Variants in TENM2 observed in about 807,000 individuals in gnomAD.
The protein encoded by TENM2 is teneurin-2.
TENM2 carries 52 observed loss-of-function variants against 245.2 expected under a neutral mutation model. That is an observed-to-expected ratio of 0.21 (90% CI 0.17 to 0.27). The LOEUF (loss-of-function observed/expected upper bound fraction) is 0.27, where lower values mean the gene tolerates loss of function less well. Ranked by LOEUF, TENM2 falls within the 10% of genes least tolerant of loss-of-function variation. TENM2 has a pLI of 1.00. For missense variants in TENM2, 3,046 were observed against 3,666.8 expected (o/e 0.83, Z 4.37); for synonymous variants, 1,363 against 1,438.9 (o/e 0.95, Z 1.19).
At chr5:168,067,540 A>G (rs929173413) in intron 7 of TENM2, among the ~76,000 whole-genome samples, 2 of 152,176 alleles carry the variant, frequency 1.3e-5, no homozygotes, top group African/African-American at 4.8e-5. Context: ...GATTAGTGGT[A>G]TTAGTCTTTG....
chr5:167,363,573 T>C (rs1180179842), intron 1 of TENM2, among the ~76,000 whole-genome samples: 1 of 150,744 alleles, frequency 6.6e-6, no homozygotes, highest in Non-Finnish European at 1.5e-5. Flanking sequence ...CTACTAAAAA[T>C]ACAAAAAATT....
intron 9 of TENM2, among the ~76,000 whole-genome samples, chr5:168,117,368 T>C (rs990418857): frequency 6.6e-6 from 1 of 152,224 alleles, no homozygotes; most frequent in Non-Finnish European, 1.5e-5. Flanking sequence ...AGTCCCTCCT[T>C]ATCCTCAGGG....
At chr5:167,555,405 T>C (rs1474428383) in intron 2 of TENM2, among the ~76,000 whole-genome samples, 1 of 152,234 alleles carries the variant, frequency 6.6e-6, no homozygotes, top group Non-Finnish European at 1.5e-5. Flanking sequence ...AAAATTCATA[T>C]TCAATATTAT....
chr5:167,847,350 T>A (rs1770144261), intron 2 of TENM2, among the ~76,000 whole-genome samples: 1 of 152,236 alleles, frequency 6.6e-6, no homozygotes, highest in South Asian at 2.1e-4. Flanking sequence ...TGAACTCACT[T>A]CCACACAAGA....
chr5:168,195,766 T>C (rs575895954), intron 15 of TENM2, among the ~76,000 whole-genome samples: 9 of 152,096 alleles, frequency 5.9e-5, no homozygotes, highest in Non-Finnish European at 8.8e-5. Context: ...TTAGGAGTTG[T>C]GTTGTTTTCG....
intron 1 of TENM2, among the ~76,000 whole-genome samples, chr5:167,317,860 G>T (rs554042265): frequency 2.6e-5 from 4 of 152,156 alleles, no homozygotes; most frequent in African/African-American, 9.6e-5. Flanking sequence ...GGGAAGAGGG[G>T]ATAAAAAGCC....
At chr5:167,249,483 CCTTA>C in the TENM2 span, among the ~76,000 whole-genome samples, 3 of 152,116 alleles carry the variant, frequency 2.0e-5, no homozygotes, top group Non-Finnish European at 4.4e-5. Flanking sequence ...CTCACCTCCT[CCTTA>C]CTTCTCTCAT....
intron 2 of TENM2, among the ~76,000 whole-genome samples, chr5:167,656,836 C>T (rs1007926288): frequency 4.0e-5 from 6 of 151,640 alleles, no homozygotes; most frequent in Non-Finnish European, 8.8e-5. Context: ...TTTTAATGAA[C>T]ACATAATGTT....
chr5:167,882,437 C>G (rs1773955035), intron 3 of TENM2, among the ~76,000 whole-genome samples: 1 of 152,152 alleles, frequency 6.6e-6, no homozygotes, highest in African/African-American at 2.4e-5. Flanking sequence ...GCTCCTGATT[C>G]ACAGCATGAT....
chr5:168,035,170 T>TA, intron 5 of TENM2, among the ~76,000 whole-genome samples: 1 of 152,248 alleles, frequency 6.6e-6, no homozygotes, highest in East Asian at 1.9e-4. Flanking sequence ...AGCATAGTAT[T>TA]AAAATTTTTT....
intron 1 of TENM2, among the ~76,000 whole-genome samples, chr5:167,346,760 C>T (rs939558845): frequency 1.3e-5 from 2 of 152,040 alleles, no homozygotes; most frequent in Non-Finnish European, 2.9e-5. Context: ...TGTGCCAGTT[C>T]TCCAAGCCCC....
At chr5:167,260,030 G>A in the TENM2 span, among the ~76,000 whole-genome samples, 2 of 152,058 alleles carry the variant, frequency 1.3e-5, no homozygotes, top group African/African-American at 2.4e-5. Context: ...GCCAAGACAC[G>A]CCAAGTCATC....
rs1435303664 is a variant in TENM2, at chr5:167,869,191, A to C, written c.503-6795A>C. On this transcript the variant is annotated intron_variant, in intron 2 of 28. Coordinates refer to ENST00000518659, the Ensembl canonical transcript of TENM2. ...AATTACACAGCACAGAGATAGAAATAAGGCAGGTATGAAGGAAGAAATAAA... is the reference window on the plus strand; with the variant it reads ...AATTACACAGCACAGAGATAGAAATCAGGCAGGTATGAAGGAAGAAATAAA... Among the ~76,000 whole-genome samples the C allele has an allele frequency of 1.2e-4, 19 of 152,320 alleles. No individual in the cohort carries two copies. The East Asian group carries it at 3.7e-3, about 29-fold the overall frequency.
chr5:168,028,466 C>CA (rs1388324544), intron 5 of TENM2, among the ~76,000 whole-genome samples: 1 of 152,138 alleles, frequency 6.6e-6, no homozygotes, highest in African/African-American at 2.4e-5. Context: ...CTTTTCTCCC[C>CA]AAAGAACTCT....
chr5:167,292,117 C>T (rs910094917), intron 1 of TENM2, among the ~76,000 whole-genome samples: 1 of 152,100 alleles, frequency 6.6e-6, no homozygotes, highest in Non-Finnish European at 1.5e-5. Context: ...AAACTTACCC[C>T]CATGATTCAA....
chr5:167,866,980 A>G (rs894533777), intron 2 of TENM2, among the ~76,000 whole-genome samples: 17 of 152,348 alleles, frequency 1.1e-4, no homozygotes, highest in Admixed American at 9.8e-4. Context: ...CATCATCACA[A>G]TAAGTTCTGC....
the TENM2 span, among the ~76,000 whole-genome samples, chr5:167,104,890 T>G: frequency 6.6e-6 from 1 of 152,206 alleles, no homozygotes. Flanking sequence ...AACATGCATT[T>G]GTCTACTGAA....
intron 2 of TENM2, among the ~76,000 whole-genome samples, chr5:167,702,282 G>A (rs897592935): frequency 6.6e-5 from 10 of 152,230 alleles, no homozygotes; most frequent in African/African-American, 2.4e-4. Context: ...ATGCATGGGT[G>A]ACCAAATCCC....
chr5:167,872,563 AAAGAAAGAAAG>A (rs1450138964), intron 2 of TENM2, among the ~76,000 whole-genome samples: 13,649 of 68,732 alleles, frequency 0.2, 1,718 homozygotes, highest in South Asian at 0.33. Context: ...AGAAAGAAAG[AAAGAAAGAAAG>A]AAAGAAAGAG....
Sources: allele counts gnomAD v4.1 joint callset (sites outside exome capture counted in the v4.1 genomes callset), GRCh38; gene constraint gnomAD v4.1.1; transcripts MANE v1.5; gene names NCBI Gene and HGNC (gene_info 2026-07-23, HGNC 2026-07-21).